LMNB1: variants seen among roughly 807,000 people sequenced by gnomAD.
LMNB1 encodes the protein lamin B1.
Under a neutral mutation model 67.1 loss-of-function variants are expected in LMNB1, and 23 were observed. The observed-to-expected ratio is 0.34, with a 90% CI of 0.25 to 0.49. The LOEUF is 0.49. Among genes scored for constraint, LMNB1 ranks in the 20% least tolerant of loss-of-function variants. The pLI is 0.99. For missense variants in LMNB1, 634 were observed against 746.5 expected (o/e 0.85, Z 1.76); for synonymous variants, 281 against 282.9 (o/e 0.99, Z 0.07).
chr5:126,822,684 T>G, intron 7 of LMNB1, 97 bp from the exon 8 acceptor site: 1 of 655,364 alleles, frequency 1.5e-6, no homozygotes, highest in Non-Finnish European at 2.6e-6. Flanking sequence ...CATAAAGCGG[T>G]CTTAGTTTAA....
intron 5 of LMNB1, among the ~76,000 whole-genome samples, chr5:126,818,381 G>A (rs1232354845): frequency 6.6e-6 from 1 of 151,872 alleles, no homozygotes; most frequent in Non-Finnish European, 1.5e-5. Context: ...TGGGATTACA[G>A]GCGCCCACCA....
chr5:126,810,460 C>A, intron 4 of LMNB1, 110 bp downstream of exon 4: 1 of 808,598 alleles, frequency 1.2e-6, no homozygotes, highest in Non-Finnish European at 1.8e-6. Context: ...AAATGATTCC[C>A]CTAGTCTCCA....
intron 1 of LMNB1, among the ~76,000 whole-genome samples, chr5:126,800,982 A>ATATATATATATTTTTTTTTTTTTT: frequency 1.1e-4 from 2 of 18,630 alleles, no homozygotes; most frequent in Non-Finnish European, 2.1e-4. Flanking sequence ...TATATATATA[A>ATATATATATATTTTTTTTTTTTTT]TTTTTTTTTT....
chr5:126,818,298 G>T (rs1294319688), intron 5 of LMNB1, among the ~76,000 whole-genome samples: 14 of 150,594 alleles, frequency 9.3e-5, no homozygotes, highest in Admixed American at 8.6e-4. Flanking sequence ...GAGTGCAATG[G>T]CGTGATCTTG....
chr5:126,828,579 CTTT>C (rs11372205), intron 9 of LMNB1, among the ~76,000 whole-genome samples: 2 of 141,932 alleles, frequency 1.4e-5, no homozygotes. Flanking sequence ...TTGGTCCATT[CTTT>C]TTTTTTTTTT....
At chr5:126,785,759 A>G (rs902690903) in intron 1 of LMNB1, among the ~76,000 whole-genome samples, 11 of 151,930 alleles carry the variant, frequency 7.2e-5, no homozygotes, top group Non-Finnish European at 1.5e-4. Flanking sequence ...CATGCCTGCA[A>G]TCCCAGCACT....
chr5:126,834,246 G>A (rs140828888), intron 10 of LMNB1, among the ~76,000 whole-genome samples: 4,558 of 151,012 alleles, frequency 0.03, 96 homozygotes, highest in Middle Eastern at 0.11. Context: ...TTGCTGTGTC[G>A]CCAGGCTGGA....
chr5:126,800,982 A>ATATATATATTTTTTTTTTTTTTTTT, intron 1 of LMNB1, among the ~76,000 whole-genome samples: 1 of 18,632 alleles, frequency 5.4e-5, no homozygotes. Context: ...TATATATATA[A>ATATATATATTTTTTTTTTTTTTTTT]TTTTTTTTTT....
intron 9 of LMNB1, among the ~76,000 whole-genome samples, chr5:126,827,499 A>G (rs988465010): frequency 1.3e-5 from 2 of 151,864 alleles, no homozygotes; most frequent in African/African-American, 2.4e-5. Context: ...CGTCTCTACT[A>G]AAAACACAAG....
intron 9 of LMNB1, among the ~76,000 whole-genome samples, chr5:126,829,303 T>C (rs1363400745): frequency 6.6e-6 from 1 of 152,026 alleles, no homozygotes; most frequent in Non-Finnish European, 1.5e-5. Flanking sequence ...GTTTCTCTTC[T>C]GGTTGCCTCC....
intron 6 of LMNB1, among the ~76,000 whole-genome samples, chr5:126,820,063 A>G (rs1006032897): frequency 2.0e-5 from 3 of 151,926 alleles, no homozygotes; most frequent in African/African-American, 7.3e-5. Flanking sequence ...AATTGCTTGA[A>G]CCTGGGAGGT....
chr5:126,800,980 TA>T (rs1554113738), intron 1 of LMNB1, among the ~76,000 whole-genome samples: 2 of 69,086 alleles, frequency 2.9e-5, no homozygotes, highest in Admixed American at 1.8e-4. Flanking sequence ...TATATATATA[TA>T]ATTTTTTTTT....
At chr5:126,798,134 A>AAAACAAAC (rs143035589) in intron 1 of LMNB1, among the ~76,000 whole-genome samples, 1,764 of 148,194 alleles carry the variant, frequency 0.012, 25 homozygotes, top group Middle Eastern at 0.079. Context: ...AGACCGTCTC[A>AAAACAAAC]AAACAAACAA....
At chr5:126,810,784 GC>G (rs1751563619) in intron 4 of LMNB1, among the ~76,000 whole-genome samples, 1 of 152,056 alleles carries the variant, frequency 6.6e-6, no homozygotes, top group South Asian at 2.1e-4. Flanking sequence ...CACACTTCCG[GC>G]TTTTTTGCAT....
At chr5:126,791,684 C>T (rs774001948) in intron 1 of LMNB1, among the ~76,000 whole-genome samples, 2 of 151,968 alleles carry the variant, frequency 1.3e-5, no homozygotes, top group Non-Finnish European at 2.9e-5. Flanking sequence ...TGTTGCTGGT[C>T]TCAAACTCCT....
intron 3 of LMNB1, among the ~76,000 whole-genome samples, chr5:126,806,977 C>T (rs1262716810): frequency 6.6e-6 from 1 of 152,096 alleles, no homozygotes; most frequent in East Asian, 1.9e-4. Context: ...CGAGGTTCCA[C>T]CGTGTTAGCC....
chr5:126,821,292 A>C (rs1751863064), intron 7 of LMNB1, among the ~76,000 whole-genome samples, 157 bp downstream of exon 7: 1 of 152,234 alleles, frequency 6.6e-6, no homozygotes, highest in Admixed American at 6.5e-5. Context: ...TAAAATAAAA[A>C]TTAAAATAGG....
intron 1 of LMNB1, among the ~76,000 whole-genome samples, chr5:126,802,468 G>A (rs1211145802): frequency 6.6e-6 from 1 of 152,122 alleles, no homozygotes; most frequent in Non-Finnish European, 1.5e-5. Context: ...TTTTGAGACG[G>A]AGTCTCACTC....
chr5:126,788,972 T>TATA (rs1198072547), intron 1 of LMNB1, among the ~76,000 whole-genome samples: 2 of 151,554 alleles, frequency 1.3e-5, no homozygotes, highest in African/African-American at 4.8e-5. Flanking sequence ...CATGGTTCAC[T>TATA]ATAACCTGGA....
Sources: allele counts gnomAD v4.1 joint callset (sites outside exome capture counted in the v4.1 genomes callset), GRCh38; gene constraint gnomAD v4.1.1; transcripts MANE v1.5; gene names NCBI Gene and HGNC (gene_info 2026-07-23, HGNC 2026-07-21).